SV2C: variants seen among roughly 807,000 people sequenced by gnomAD.
The protein encoded by SV2C is synaptic vesicle glycoprotein 2C.
A neutral mutation model predicts 79.7 loss-of-function variants in SV2C; 49 were observed. The ratio of observed to expected loss-of-function variants is 0.61; its 90% CI spans 0.49 to 0.78. The LOEUF is 0.78. Among genes scored for constraint, SV2C ranks in the 30% least tolerant of loss-of-function variants. The pLI is 0.00. For synonymous variants in SV2C, 334 were observed against 333.2 expected, an observed-to-expected ratio of 1.00 and a Z score of -0.03; for missense variants, 833 against 912.9, an observed-to-expected ratio of 0.91 and a Z score of 1.13.
chr5:76,272,432 C>G (rs1357553876), intron 4 of SV2C, among the ~76,000 whole-genome samples: 1 of 152,178 alleles, frequency 6.6e-6, no homozygotes, highest in African/African-American at 2.4e-5. Flanking sequence ...GAATGAGAAC[C>G]ATGCAGTTGT....
intron 2 of SV2C, among the ~76,000 whole-genome samples, chr5:76,165,228 C>G (rs542354558): frequency 7.9e-5 from 12 of 152,086 alleles, no homozygotes; most frequent in Admixed American, 7.9e-4. Flanking sequence ...CCCAGCTTCC[C>G]CCAATGATAA....
At chr5:75,913,666 C>T in the SV2C span, among the ~76,000 whole-genome samples, 24 of 152,228 alleles carry the variant, frequency 1.6e-4, no homozygotes, top group African/African-American at 5.8e-4. Context: ...TTCTTGGCTC[C>T]CAGAGTGCAG....
chr5:75,939,603 G>A, the SV2C span, among the ~76,000 whole-genome samples: 1 of 152,124 alleles, frequency 6.6e-6, no homozygotes, highest in Admixed American at 6.5e-5. Context: ...GGAAATTCAA[G>A]GTTGTGCATT....
At chr5:76,200,383 A>C (rs1397156582) in intron 3 of SV2C, among the ~76,000 whole-genome samples, 2 of 152,258 alleles carry the variant, frequency 1.3e-5, no homozygotes, top group African/African-American at 2.4e-5. Flanking sequence ...TTCATTTTGC[A>C]GATTGAGGTG....
intron 4 of SV2C, among the ~76,000 whole-genome samples, chr5:76,227,352 G>T (rs1249131239): frequency 6.6e-6 from 1 of 152,264 alleles, no homozygotes; most frequent in Non-Finnish European, 1.5e-5. Flanking sequence ...TGGACCGAGG[G>T]TGGGGTTCCA....
chr5:75,963,122 G>T, the SV2C span, among the ~76,000 whole-genome samples: 2 of 152,128 alleles, frequency 1.3e-5, no homozygotes, highest in African/African-American at 4.8e-5. Context: ...GGGAAGGAAG[G>T]TCAGACTGAC....
At chr5:75,884,498 T>C in the SV2C span, among the ~76,000 whole-genome samples, 28 of 152,198 alleles carry the variant, frequency 1.8e-4, no homozygotes, top group Admixed American at 1.7e-3. Flanking sequence ...AGACTTGCCT[T>C]TTCTAACTAT....
At chr5:75,916,215 T>TC in the SV2C span, among the ~76,000 whole-genome samples, 87 of 151,534 alleles carry the variant, frequency 5.7e-4, no homozygotes, top group African/African-American at 1.8e-3. Flanking sequence ...CTCCTCCTCC[T>TC]CTTCCTCCCC....
the SV2C span, among the ~76,000 whole-genome samples, chr5:76,047,873 C>A: frequency 4.7e-5 from 7 of 149,466 alleles, no homozygotes; most frequent in Admixed American, 2.7e-4. Flanking sequence ...TCACTCCATT[C>A]TCCTGCCTCA....
intron 4 of SV2C, among the ~76,000 whole-genome samples, chr5:76,240,899 A>C (rs1424239690): frequency 6.6e-6 from 1 of 152,198 alleles, no homozygotes; most frequent in Admixed American, 6.5e-5. Flanking sequence ...TGCCAGATAA[A>C]TATTTATCAT....
At chr5:76,309,789 A>G (rs1665305208) in intron 12 of SV2C, among the ~76,000 whole-genome samples, 1 of 152,118 alleles carries the variant, frequency 6.6e-6, no homozygotes, top group Non-Finnish European at 1.5e-5. Context: ...CTGCGTGTAC[A>G]GTTGAGTGAA....
At chr5:75,867,061 A>G in the SV2C span, among the ~76,000 whole-genome samples, 1 of 152,212 alleles carries the variant, frequency 6.6e-6, no homozygotes, top group Non-Finnish European at 1.5e-5. Flanking sequence ...AAAACATGGT[A>G]GCAAGGTAGA....
chr5:76,073,160 T>C, the SV2C span, among the ~76,000 whole-genome samples: 7 of 152,320 alleles, frequency 4.6e-5, no homozygotes, highest in Middle Eastern at 3.4e-3. Context: ...ATGAAATCTT[T>C]GCTTAAGCCA....
At chr5:76,206,282 T>C (rs1176550323) in intron 3 of SV2C, among the ~76,000 whole-genome samples, 1 of 152,166 alleles carries the variant, frequency 6.6e-6, no homozygotes, top group African/African-American at 2.4e-5. Context: ...TTTCTGATGA[T>C]CATTATAGCA....
the SV2C span, among the ~76,000 whole-genome samples, chr5:75,855,815 C>G: frequency 6.6e-6 from 1 of 152,138 alleles, no homozygotes; most frequent in Non-Finnish European, 1.5e-5. Flanking sequence ...CAGTTATACT[C>G]TTCTAGTTAT....
intron 2 of SV2C, among the ~76,000 whole-genome samples, chr5:76,189,952 GTTAAA>G (rs1169070275): frequency 3.3e-5 from 5 of 152,062 alleles, no homozygotes; most frequent in African/African-American, 9.7e-5. Flanking sequence ...TGTGATTGGT[GTTAAA>G]TTAAATGCAT....
the SV2C span, among the ~76,000 whole-genome samples, chr5:76,063,021 T>G: frequency 6.6e-6 from 1 of 152,218 alleles, no homozygotes; most frequent in Non-Finnish European, 1.5e-5. Context: ...GAGGGCTTTC[T>G]TCATACTTTG....
the SV2C span, among the ~76,000 whole-genome samples, chr5:75,941,792 T>C: frequency 2.0e-5 from 3 of 152,204 alleles, no homozygotes; most frequent in Non-Finnish European, 2.9e-5. Flanking sequence ...AGGAATCTTT[T>C]TGGGCCTTTC....
At chr5:76,138,735 C>T (rs182299519) in intron 2 of SV2C, among the ~76,000 whole-genome samples, 1 of 152,292 alleles carries the variant, frequency 6.6e-6, no homozygotes, top group East Asian at 1.9e-4. Context: ...AGGATCTCAA[C>T]AAATATTTGT....
Sources: allele counts gnomAD v4.1 joint callset (sites outside exome capture counted in the v4.1 genomes callset), GRCh38; gene constraint gnomAD v4.1.1; transcripts MANE v1.5; gene names NCBI Gene and HGNC (gene_info 2026-07-23, HGNC 2026-07-21).